The following SPTBN5 variants were observed in gnomAD, a reference collection of about 807,000 sequenced individuals.
SPTBN5 encodes spectrin beta, non-erythrocytic 5, also known as spectrin beta chain, non-erythrocytic 5.
Under a neutral mutation model 477.6 loss-of-function variants are expected in SPTBN5, and 513 were observed. That is an observed-to-expected ratio of 1.07 (90% confidence interval 1.00 to 1.16). SPTBN5 has a LOEUF of 1.16. SPTBN5 is among the 50% of genes most tolerant of loss of function. The probability of loss-of-function intolerance (pLI) is 0.00; values close to 1 mark genes in which losing one functional copy is unlikely to be tolerated. For missense variants in SPTBN5, 5,062 were observed against 4,731.8 expected, an observed-to-expected ratio of 1.07 and a Z score of -2.05; for synonymous variants, 2,169 against 2,011.7, an observed-to-expected ratio of 1.08 and a Z score of -2.09.
chr15:41,887,476 G>A (rs748457916), intron 5 of SPTBN5, 35 bp from the exon 6 acceptor site: 7 of 1,477,416 alleles, frequency 4.7e-6, no homozygotes, highest in Non-Finnish European at 5.5e-6. Flanking sequence ...TTCACCAGCA[G>A]GAACCTACTG....
In SPTBN5 at chr15:41,862,607, G is replaced by A. The variant is rs757426453; in HGVS notation, c.7317C>T (p.His2439=). ...RLCQRSPEAA[H]GLRHRQQEVA... Reference sequence around the variant, plus strand: ...CCTCCTGCTGCCTGTGCCTGAGGCCGTGGGCTGCCTCGGGGCTTCTTTGGC... The same window carrying A: ...CCTCCTGCTGCCTGTGCCTGAGGCCATGGGCTGCCTCGGGGCTTCTTTGGC... The change falls in exon 43 of 68, where the codon CAC becomes CAT. Residue 2439 remains histidine (H), a synonymous_variant. Coordinates refer to ENST00000320955, the MANE Select transcript of SPTBN5 (RefSeq NM_016642.4). 1.2e-5 allele frequency: 19 copies of A among 1,559,120 alleles called. 1 individual carries two copies. Among genetic ancestry groups the A allele is most frequent in the East Asian group, 7.2e-5 (3 of 41,894 alleles).
chr15:41,871,363 T>C lies in SPTBN5; in HGVS notation c.5447+12A>G, dbSNP rs116522704. 4.6e-3 allele frequency: 6,475 copies of C among 1,413,762 alleles called. 264 individuals carry two copies. The African/African-American group carries it at 0.088, about 19-fold the overall frequency. The allele number at this position is 1,413,762 out of a possible 1,614,324, so 87.6% of individuals were successfully genotyped here. On this transcript the variant is annotated intron_variant, in intron 29 of 67. Transcript: ENST00000320955. ...CCAAACCCCATGCTGGCCTGGCCCG[T>C]TGGGCACTCACTGCAGATCCTGCTG...
In SPTBN5 at chr15:41,866,466, G is replaced by A; in HGVS notation, c.6508C>T (p.Gln2170Ter). The A allele has an allele frequency of 6.3e-7, 1 of 1,592,226 alleles. No homozygotes were observed. The highest frequency in any genetic ancestry group is 8.5e-7 in the Non-Finnish European group (1 of 1,170,806). ...GGAGGGACCGGCTCCTTCAGCTGCT[G>A]GGCCCACGCCTGGATCCAGTCCTCA... Reference protein sequence around the residue: ...QAEDWIQAWAQQLKEPVPPGD... With the variant: ...QAEDWIQAWA The change falls in exon 37 of 68, where the codon CAG becomes TAG. Residue 2170 changes from glutamine (Q) to a stop codon, truncating the protein, a stop_gained. Transcript: ENST00000320955. LOFTEE classifies it high-confidence loss of function.
chr15:41,855,394 C>T lies in SPTBN5; in HGVS notation c.9253G>A (p.Glu3085Lys), dbSNP rs777440810. 1.2e-6 allele frequency: 2 copies of T among 1,604,230 alleles called. No individual in the cohort carries two copies. Among genetic ancestry groups the T allele is most frequent in the Non-Finnish European group, 1.7e-6 (2 of 1,178,944 alleles). The change falls in exon 55 of 68, where the codon GAG becomes AAG. Residue 3085 changes from glutamate (E) to lysine (K), a missense_variant. Physicochemically the swap from Glu to Lys is moderately conservative, Grantham distance 56 (BLOSUM62 1). Coordinates refer to ENST00000320955, the MANE Select transcript of SPTBN5 (RefSeq NM_016642.4). ...KVLAQLQAVR[E>K]AHAELLRRAE... ...CTCCGCAGCAGCTCTGCGTGGGCCT[C>T]CCGAACTGCCTGCAGCTGGGCTAGC... is the stretch of plus-strand genomic sequence containing the variant.
rs746634066 is a variant in SPTBN5, at chr15:41,856,407, C to T, written c.9000G>A (p.Glu3000=). The T allele has an allele frequency of 1.3e-6, 2 of 1,583,762 alleles. No individual in the cohort carries two copies. Among genetic ancestry groups the T allele is most frequent in the Admixed American group, 3.4e-5 (2 of 58,222 alleles). Residue 3000 remains glutamate, a synonymous_variant, in exon 53 of 68, where the codon GAG becomes GAA. Coordinates refer to ENST00000320955, the MANE Select transcript of SPTBN5 (RefSeq NM_016642.4). Reference sequence around the variant, plus strand: ...TCACCTCAGTCAGAAACTGCTGGGCCTCCTGAGCCTGCTGCAGCAGAAGCC... The same window carrying T: ...TCACCTCAGTCAGAAACTGCTGGGCTTCCTGAGCCTGCTGCAGCAGAAGCC... ...RRRLLLQQAQ[E]AQQFLTELLE...
At chr15:41,890,449 C>A (rs950844494) in intron 3 of SPTBN5, among the ~76,000 whole-genome samples, 1 of 152,250 alleles carries the variant, frequency 6.6e-6, no homozygotes, top group Non-Finnish European at 1.5e-5. Context: ...CTGGGCTGGG[C>A]CCTCAGAGCA....
Position 41,853,448 on chromosome 15 carries a change from C to G in SPTBN5, c.9981-1G>C, listed in dbSNP as rs1412156445. 1 of 1,571,030 alleles carries G rather than the reference C, an allele frequency of 6.4e-7. No homozygotes were observed. The highest frequency in any genetic ancestry group is 8.7e-7 in the Non-Finnish European group (1 of 1,151,518). ...CTCCTGCCTCTCCTGTGCCCATGCT[C>G]TGTGGGGCAGGGAAGGGAGCTGTTG... On this transcript the variant is annotated splice_acceptor_variant, in intron 58 of 67. Coordinates refer to ENST00000320955, the MANE Select transcript of SPTBN5 (RefSeq NM_016642.4). LOFTEE classifies it high-confidence loss of function.
At chr15:41,889,459 C>T (rs963385117) in intron 4 of SPTBN5, among the ~76,000 whole-genome samples, 1 of 152,040 alleles carries the variant, frequency 6.6e-6, no homozygotes, top group African/African-American at 2.4e-5. Context: ...ACTCTGTGAC[C>T]CAGGCTGGAG....
chr15:41,881,818 G>A (rs1183001883), intron 12 of SPTBN5, 118 bp downstream of exon 12: 2 of 987,184 alleles, frequency 2.0e-6, no homozygotes, highest in African/African-American at 3.5e-5. Flanking sequence ...CTACACCCAC[G>A]GGAAGGCCAC....
chr15:41,875,955 G>A (rs922774401), intron 21 of SPTBN5, among the ~76,000 whole-genome samples, 159 bp downstream of exon 21: 1 of 152,192 alleles, frequency 6.6e-6, no homozygotes, highest in African/African-American at 2.4e-5. Context: ...GGGTGCCAAG[G>A]GGATGCCAGC....
chr15:41,885,717 T>G lies in SPTBN5; in HGVS notation c.1520+18A>C. On this transcript the variant is annotated intron_variant, in intron 7 of 67. Coordinates refer to ENST00000320955, the MANE Select transcript of SPTBN5 (RefSeq NM_016642.4). ...AGCCTCAGCCAGCTGTGGGGAGAGT[T>G]CATGTGCTGGGGCTCACCTGCGGGC... The G allele has an allele frequency of 6.5e-7, 1 of 1,545,880 alleles. No individual in the cohort carries two copies.
chr15:41,858,245 C>A (rs1015608327), intron 49 of SPTBN5, among the ~76,000 whole-genome samples: 7 of 152,204 alleles, frequency 4.6e-5, no homozygotes, highest in African/African-American at 1.7e-4. Flanking sequence ...TTGCAGTGAG[C>A]TGAGATCTTG....
At chr15:41,865,257 T>G (rs59516338) in intron 39 of SPTBN5, among the ~76,000 whole-genome samples, 2,322 of 152,272 alleles carry the variant, frequency 0.015, 73 homozygotes, top group African/African-American at 0.052. Flanking sequence ...GAGAAGACGC[T>G]GAGACGCTGA....
chr15:41,857,016 AG>A lies in SPTBN5; in HGVS notation c.8644del (p.Leu2882CysfsTer15). 6.2e-7 allele frequency: 1 copy of A among 1,605,424 alleles called. No individual in the cohort carries two copies. The highest frequency in any genetic ancestry group is 8.5e-7 in the Non-Finnish European group (1 of 1,176,710). ...CTCCAGGGCCGTCCTGCGCTCCTGC[AG>A]GGGCTCCCTCAGGCTCTTGAACCTG... ...LQRFKSLREP[L>X]QERRTALEAR... On this transcript the variant is annotated frameshift_variant, in exon 52 of 68. Transcript: ENST00000320955. LOFTEE classifies it high-confidence loss of function.
At chr15:41,863,123 G>A (rs956995024) in intron 41 of SPTBN5, among the ~76,000 whole-genome samples, 2 of 152,240 alleles carry the variant, frequency 1.3e-5, no homozygotes, top group African/African-American at 2.4e-5. Flanking sequence ...CCTCACGTGT[G>A]TGCTGCTTCC....
intron 39 of SPTBN5, among the ~76,000 whole-genome samples, chr15:41,864,739 T>C (rs2066239368): frequency 6.6e-6 from 1 of 152,236 alleles, no homozygotes; most frequent in Non-Finnish European, 1.5e-5. Context: ...TCGTCTGAGC[T>C]GAGGCTGGTG....
At chr15:41,880,440 T>G in intron 13 of SPTBN5, 128 bp from the exon 14 acceptor site, 1 of 995,352 alleles carries the variant, frequency 1.0e-6, no homozygotes. Context: ...CCAGAGGGGG[T>G]CCCTGCCTCA....
At chr15:41,871,741 C>T (rs1475555460) in intron 28 of SPTBN5, 41 bp downstream of exon 28, 3 of 1,493,744 alleles carry the variant, frequency 2.0e-6, no homozygotes, top group South Asian at 2.7e-5. Context: ...CCCATAGGCT[C>T]TGCCTCAGGG....
intron 22 of SPTBN5, among the ~76,000 whole-genome samples, 181 bp downstream of exon 22, chr15:41,875,277 A>G (rs780842964): frequency 3.7e-4 from 57 of 152,204 alleles, no homozygotes; most frequent in Non-Finnish European, 6.3e-4. Flanking sequence ...CTGGGCACAC[A>G]GGAGAGAATC....
Sources: allele counts gnomAD v4.1 joint callset (sites outside exome capture counted in the v4.1 genomes callset), GRCh38; gene constraint gnomAD v4.1.1; transcripts MANE v1.5; gene names NCBI Gene and HGNC (gene_info 2026-07-23, HGNC 2026-07-21).